Variants in NSD1 observed in about 807,000 individuals in gnomAD.
NSD1 encodes histone-lysine N-methyltransferase, H3 lysine-36 specific.
In NSD1, 26 loss-of-function variants were observed where a neutral mutation model predicts 242.7. The ratio of observed to expected loss-of-function variants is 0.11; its 90% CI spans 0.08 to 0.15. The LOEUF is 0.15. Among genes scored for constraint, NSD1 ranks in the 10% least tolerant of loss-of-function variants. The pLI is 1.00. For missense variants in NSD1, 2,495 were observed against 3,272.8 expected, an observed-to-expected ratio of 0.76 and a Z score of 5.80; for synonymous variants, 1,106 against 1,178.1, an observed-to-expected ratio of 0.94 and a Z score of 1.25.
At position 177,159,285 on chromosome 5, in the gene NSD1, G is replaced by T. The variant is rs766117446; in HGVS notation, c.927+23255G>T. Among the ~76,000 whole-genome samples the T allele has an allele frequency of 6.0e-3, 869 of 143,778 alleles. 8 individuals are homozygous for T. The highest frequency in any genetic ancestry group is 8.7e-3 in the Non-Finnish European group (575 of 65,716). The allele number at this position is 143,778 out of a possible 152,430, so 94.3% of individuals were successfully genotyped here. On this transcript the variant is annotated intron_variant, in intron 2 of 22. Coordinates refer to ENST00000439151, the MANE Select transcript of NSD1 (RefSeq NM_022455.5). The stretch of plus-strand genomic sequence containing the variant: ...CTTTTTCTTTCCAGTTTTTTTTTTT[G>T]TTTGTTTGTTTGTTTTTGAGACACA...
chr5:177,204,498 C>A (rs1290088351), intron 4 of NSD1, among the ~76,000 whole-genome samples: 1 of 152,058 alleles, frequency 6.6e-6, no homozygotes, highest in Non-Finnish European at 1.5e-5. Flanking sequence ...GTATTATAAG[C>A]GAGCACCACC....
intron 8 of NSD1, among the ~76,000 whole-genome samples, chr5:177,241,149 GT>G (rs142440179): frequency 0.048 from 7,370 of 152,082 alleles, 194 homozygotes; most frequent in South Asian, 0.081. Flanking sequence ...TTGAGATGGA[GT>G]TTTGTTCTCC....
intron 2 of NSD1, among the ~76,000 whole-genome samples, chr5:177,174,285 C>T (rs535070812): frequency 4.6e-5 from 7 of 152,204 alleles, no homozygotes; most frequent in East Asian, 1.9e-4. Flanking sequence ...ACGCGGGAGG[C>T]GGAGGTTGCA....
Position 177,135,511 on chromosome 5 carries a change from T to A in NSD1, c.408T>A (p.Pro136=). Reference sequence around the variant, plus strand: ...AGGAACCCTCTTGTAATAACTCCCCTGAACTCCAGGTAAAAGTAACAAAGA... The same window carrying A: ...AGGAACCCTCTTGTAATAACTCCCCAGAACTCCAGGTAAAAGTAACAAAGA... The part of the protein sequence containing the change: ...MKQEPSCNNS[P]ELQVKVTKTI... Residue 136 remains proline, a synonymous_variant, in exon 2 of 23, where the codon CCT becomes CCA. Transcript: ENST00000439151. 6.2e-7 allele frequency: 1 copy of A among 1,614,206 alleles called. No homozygotes were observed. Among genetic ancestry groups the A allele is most frequent in the Non-Finnish European group, 8.5e-7 (1 of 1,180,042 alleles).
At chr5:177,171,119 G>C (rs1759668089) in intron 2 of NSD1, among the ~76,000 whole-genome samples, 1 of 151,648 alleles carries the variant, frequency 6.6e-6, no homozygotes, top group African/African-American at 2.4e-5. Flanking sequence ...TCAAGAGATT[G>C]AGACCGTCCT....
At chr5:177,245,382 T>A (rs1002330039) in intron 9 of NSD1, among the ~76,000 whole-genome samples, 1 of 152,220 alleles carries the variant, frequency 6.6e-6, no homozygotes, top group Non-Finnish European at 1.5e-5. Flanking sequence ...ATCTTTCTAT[T>A]GTGCTCATAT....
rs190078997 is a variant in NSD1 at position 177,276,962 on chromosome 5, C to T, written c.5622+3178C>T. 6.0e-4 allele frequency among the ~76,000 whole-genome samples: 91 copies of T among 152,184 alleles called. 1 individual carries two copies. The highest frequency in any genetic ancestry group is 2.2e-3 in the African/African-American group (90 of 41,508). ...TGAAAATATATTCTTGGAACATAGT[C>T]GTTAGGCCTCAGAAATGGAAAATAA... On this transcript the variant is annotated intron_variant, in intron 17 of 22. Transcript: ENST00000439151.
chr5:177,155,476 C>T (rs903869564), intron 2 of NSD1, among the ~76,000 whole-genome samples: 1 of 150,932 alleles, frequency 6.6e-6, no homozygotes, highest in Middle Eastern at 3.3e-3. Flanking sequence ...GTCGGCTAAG[C>T]TGGTCTCGAA....
rs745479886 is a variant in NSD1, at chr5:177,239,725, A to G, written c.4193-31A>G. ...AAATTAACTTGTGCCCAGTTTCTAA[A>G]TCATCTAATGTAAAGATACATGCAT... On this transcript the variant is annotated intron_variant, in intron 7 of 22. Transcript: ENST00000439151. 4 of 1,311,210 alleles carry G rather than the reference A, an allele frequency of 3.1e-6. No homozygotes were observed. In the East Asian group the frequency reaches 6.9e-5, roughly 23 times the overall value. 81.2% of individuals were successfully genotyped at this position (1,311,210 alleles called of 1,614,324 possible).
intron 2 of NSD1, among the ~76,000 whole-genome samples, chr5:177,185,909 ATTATATATAT>A (rs1182654601): frequency 3.8e-4 from 30 of 78,306 alleles, no homozygotes; most frequent in Admixed American, 1.3e-3. Context: ...ATTTTATATA[ATTATATATAT>A]TTATATATAT....
chr5:177,223,812 C>T (rs1764425554), intron 5 of NSD1, among the ~76,000 whole-genome samples: 1 of 151,854 alleles, frequency 6.6e-6, no homozygotes, highest in Admixed American at 6.6e-5. Context: ...AGGGTCAAAC[C>T]TCATCTCTAC....
At chr5:177,187,297 G>A (rs901061581) in intron 2 of NSD1, among the ~76,000 whole-genome samples, 8 of 151,860 alleles carry the variant, frequency 5.3e-5, no homozygotes, top group Non-Finnish European at 1.0e-4. Flanking sequence ...TAGAGATGGG[G>A]TTTCACCATG....
chr5:177,198,011 A>C (rs1268448715), intron 3 of NSD1, among the ~76,000 whole-genome samples: 1 of 151,846 alleles, frequency 6.6e-6, no homozygotes, highest in Non-Finnish European at 1.5e-5. Context: ...TTTTATTTTA[A>C]TATTAGTCTT....
intron 14 of NSD1, 27 bp from the exon 15 acceptor site, chr5:177,267,535 G>A: frequency 6.2e-7 from 1 of 1,612,762 alleles, no homozygotes; most frequent in Non-Finnish European, 8.5e-7. Flanking sequence ...CTTGTGATCT[G>A]AATGCCACAT....
intron 16 of NSD1, among the ~76,000 whole-genome samples, chr5:177,272,504 T>C (rs1758022968): frequency 1.3e-5 from 2 of 152,038 alleles, no homozygotes; most frequent in Non-Finnish European, 2.9e-5. Context: ...GTTTTTAATG[T>C]GGGTGAAGAA....
In NSD1 at chr5:177,158,835, A is replaced by AAAAAAAAAAAAG. The variant is rs1758422548; in HGVS notation, c.927+22805_927+22806insAAAAAAAAAAAG. On this transcript the variant is annotated intron_variant, in intron 2 of 22. Coordinates refer to ENST00000439151, the MANE Select transcript of NSD1 (RefSeq NM_022455.5). ...AGACTTCATCTCAAAAAAAAAAAAA[A>AAAAAAAAAAAAG]GGAAGTAATGGCAAAAACTGGAATT... 1.3e-5 allele frequency among the ~76,000 whole-genome samples: 2 copies of AAAAAAAAAAAAG among 149,094 alleles called. 1 individual carries two copies. The highest frequency in any genetic ancestry group is 5.0e-5 in the African/African-American group (2 of 40,270).
chr5:177,204,031 T>G (rs1762697753), intron 3 of NSD1, 89 bp from the exon 4 acceptor site: 9 of 1,279,728 alleles, frequency 7.0e-6, no homozygotes, highest in Admixed American at 6.7e-5. Context: ...CCAGACAGTC[T>G]TCTTTGGCGG....
At chr5:177,289,022 G>A (rs192678009) in intron 21 of NSD1, 97 bp downstream of exon 21, 20 of 907,608 alleles carry the variant, frequency 2.2e-5, no homozygotes, top group Non-Finnish European at 3.4e-5. Context: ...AAATCTCTTT[G>A]AAATTAATGA....
At position 177,298,764 on chromosome 5, in the gene NSD1, A is replaced by G. The variant is rs1461385775; in HGVS notation, c.*3305A>G. 2 of 233,230 alleles carry G rather than the reference A, an allele frequency of 8.6e-6. No homozygotes were observed. Among genetic ancestry groups the G allele is most frequent in the African/African-American group, 4.4e-5 (2 of 45,370 alleles). 14.4% of individuals were successfully genotyped at this position (233,230 alleles called of 1,614,324 possible). A position where few individuals can be genotyped will look rare whatever the true frequency, so the allele number is the denominator to read the frequency against. ...GTTGTAATTCTAATGTTGCCTCATGAGAACAGAATGGCAGAAAGTTTAGTC... is the reference window on the plus strand; with the variant it reads ...GTTGTAATTCTAATGTTGCCTCATGGGAACAGAATGGCAGAAAGTTTAGTC... On this transcript the variant is annotated 3_prime_UTR_variant, in exon 23 of 23. Transcript: ENST00000439151.
Sources: allele counts gnomAD v4.1 joint callset (sites outside exome capture counted in the v4.1 genomes callset), GRCh38; gene constraint gnomAD v4.1.1; transcripts MANE v1.5; gene names NCBI Gene and HGNC (gene_info 2026-07-23, HGNC 2026-07-21).